Variants in PISD observed in about 807,000 individuals in gnomAD.
PISD encodes phosphatidylserine decarboxylase.
A neutral mutation model predicts 43.5 loss-of-function variants in PISD; 31 were observed. That is an observed-to-expected ratio of 0.71 (90% CI 0.54 to 0.96). The LOEUF (loss-of-function observed/expected upper bound fraction) is 0.96, where lower values mean the gene tolerates loss of function less well. Ranked by LOEUF, PISD falls within the 40% of genes least tolerant of loss-of-function variation. The pLI is 0.00. For missense variants in PISD, 523 were observed against 548.4 expected, an observed-to-expected ratio of 0.95 and a Z score of 0.46; for synonymous variants, 259 against 228.7, an observed-to-expected ratio of 1.13 and a Z score of -1.20.
chr22:31,657,163 GT>G (rs2096582436), intron 1 of PISD, among the ~76,000 whole-genome samples: 1 of 152,074 alleles, frequency 6.6e-6, no homozygotes, highest in South Asian at 2.1e-4. Flanking sequence ...TTGAGATGGA[GT>G]TTTGCTCTGT....
rs1410815230 is a variant in PISD, at chr22:31,630,797, C to T, written c.322-8912G>A. 1 of 985,460 alleles carries T rather than the reference C, an allele frequency of 1.0e-6. No individual in the cohort carries two copies. The highest frequency in any genetic ancestry group is 1.1e-4 in the East Asian group (1 of 8,828). 61.0% of individuals were successfully genotyped at this position (985,460 alleles called of 1,614,324 possible). Reference sequence around the variant, plus strand: ...GCAGGGCCGGGGCGCCGGCTCCGCTCACTCACCCGCAGGTGGCTCCAGCTT... The same window carrying T: ...GCAGGGCCGGGGCGCCGGCTCCGCTTACTCACCCGCAGGTGGCTCCAGCTT... On this transcript the variant is annotated intron_variant, in intron 3 of 7. Coordinates refer to ENST00000439502, the MANE Select transcript of PISD (RefSeq NM_001326411.2). This position sits in a 1 kb window ranked among gnomAD's most constrained non-coding sequence, Gnocchi z 4.4.
chr22:31,648,550 G>C (rs2073945287), intron 2 of PISD, among the ~76,000 whole-genome samples: 1 of 151,824 alleles, frequency 6.6e-6, no homozygotes, highest in Non-Finnish European at 1.5e-5. Flanking sequence ...GGCGCCTGTA[G>C]TCCCAGCTAC....
rs1294263346 is a variant in PISD, at chr22:31,618,938, A to T, written c.*674T>A. 1 of 163,752 alleles carries T rather than the reference A, an allele frequency of 6.1e-6. No homozygotes were observed. The highest frequency in any genetic ancestry group is 1.3e-5 in the Non-Finnish European group (1 of 74,862). The allele number at this position is 163,752 out of a possible 1,614,324, so 10.1% of individuals were successfully genotyped here. ...TGATTGGTCTTGCCTGCTGCAGAGG[A>T]CCTGGCCAGCTCCAGAAGGGTCACT... On this transcript the variant is annotated 3_prime_UTR_variant, in exon 8 of 8. Transcript: ENST00000439502.
Position 31,643,152 on chromosome 22 carries a change from A to C in PISD, c.321+4949T>G, listed in dbSNP as rs1247847749. On this transcript the variant is annotated intron_variant, in intron 3 of 7. Coordinates refer to ENST00000439502, the MANE Select transcript of PISD (RefSeq NM_001326411.2). Reference sequence around the variant, plus strand: ...AGATAAAGACAGGAAGTGAATGCATAAAAAACAAAGCGCATGATTAAGCAA... The same window carrying C: ...AGATAAAGACAGGAAGTGAATGCATCAAAAACAAAGCGCATGATTAAGCAA... 2.6e-5 allele frequency among the ~76,000 whole-genome samples: 4 copies of C among 152,090 alleles called. No homozygotes were observed. In the East Asian group the frequency reaches 7.7e-4, roughly 29 times the overall value.
chr22:31,632,367 G>T, intron 3 of PISD: 1 of 289,816 alleles, frequency 3.5e-6, no homozygotes, highest in Non-Finnish European at 5.2e-6. Flanking sequence ...TCAGCATGTG[G>T]TACAGGGGTG....
rs748698223 is a variant in PISD at position 31,636,927 on chromosome 22, C to T, written c.321+11174G>A. 1.5e-4 allele frequency among the ~76,000 whole-genome samples: 22 copies of T among 151,514 alleles called. No individual in the cohort carries two copies. In the Middle Eastern group the frequency reaches 0.013, roughly 87 times the overall value. ...TCCTGACCTCGTGATCCACCCATCT[C>T]GGTCTCCCAAAGTGCTGGGATTACA... On this transcript the variant is annotated intron_variant, in intron 3 of 7. Coordinates refer to ENST00000439502, the MANE Select transcript of PISD (RefSeq NM_001326411.2).
intron 2 of PISD, among the ~76,000 whole-genome samples, chr22:31,648,771 A>G (rs1383999711): frequency 6.6e-6 from 1 of 152,092 alleles, no homozygotes; most frequent in African/African-American, 2.4e-5. Context: ...CTGTCTCCAA[A>G]TTCTGTCAGT....
At position 31,623,909 on chromosome 22, in the gene PISD, G is replaced by A. The variant is rs1215085159; in HGVS notation, c.322-2024C>T. 2.6e-5 allele frequency: 40 copies of A among 1,511,972 alleles called. 1 individual carries two copies. In the Admixed American group the frequency reaches 7.6e-4, roughly 29 times the overall value. 93.7% of individuals were successfully genotyped at this position (1,511,972 alleles called of 1,614,324 possible). On this transcript the variant is annotated intron_variant, in intron 3 of 7. Transcript: ENST00000439502. Reference sequence around the variant, plus strand: ...TGGCCAGGCTCTGGGCAGGACCCAGGAGGCTGCCACCTGCACCCAGGGCAG... The same window carrying A: ...TGGCCAGGCTCTGGGCAGGACCCAGAAGGCTGCCACCTGCACCCAGGGCAG...
intron 2 of PISD, 67 bp from the exon 3 acceptor site, chr22:31,648,343 G>T: frequency 1.4e-6 from 2 of 1,389,202 alleles, no homozygotes; most frequent in Non-Finnish European, 2.0e-6. Context: ...TGCAAACACA[G>T]CACCAACAGG....
At chr22:31,633,716 AAAACAAACAAAC>A (rs111689818) in intron 3 of PISD, among the ~76,000 whole-genome samples, 2 of 151,806 alleles carry the variant, frequency 1.3e-5, no homozygotes, top group Non-Finnish European at 1.5e-5. Context: ...CTCGTCTCAA[AAAACAAACAAAC>A]AAACAAACAA....
At chr22:31,646,596 T>C (rs910817122) in intron 3 of PISD, among the ~76,000 whole-genome samples, 1 of 152,212 alleles carries the variant, frequency 6.6e-6, no homozygotes, top group East Asian at 1.9e-4. Flanking sequence ...CTTGAAAGCA[T>C]GCAAGCTCAT....
chr22:31,621,546 C>T (rs529598133), intron 4 of PISD, 74 bp from the exon 5 acceptor site: 12 of 1,602,242 alleles, frequency 7.5e-6, no homozygotes, highest in South Asian at 1.1e-5. Context: ...CCCACCTCCC[C>T]TTGTCATCCT....
At chr22:31,637,145 A>T (rs1355570950) in intron 3 of PISD, among the ~76,000 whole-genome samples, 7 of 16,368 alleles carry the variant, frequency 4.3e-4, no homozygotes, top group Non-Finnish European at 7.9e-4. Context: ...AAATAAATTA[A>T]AAAAAAAAAA....
Position 31,632,298 on chromosome 22 carries a change from T to C in PISD, c.322-10413A>G, listed in dbSNP as rs181770966. The C allele has an allele frequency of 5.7e-4, 548 of 959,708 alleles. 2 individuals are homozygous for C. The Middle Eastern group carries it at 9.0e-3, about 16-fold the overall frequency. The allele number at this position is 959,708 out of a possible 1,614,324, so 59.4% of individuals were successfully genotyped here. ...TTTCCATGTTCTTCCATACCTACAA[T>C]GCACCCATGGGAACAGGGAGGCAGG... is the stretch of plus-strand genomic sequence containing the variant. On this transcript the variant is annotated intron_variant, in intron 3 of 7. Coordinates refer to ENST00000439502, the MANE Select transcript of PISD (RefSeq NM_001326411.2).
intron 4 of PISD, 69 bp from the exon 5 acceptor site, chr22:31,621,541 C>T (rs934435767): frequency 2.5e-6 from 4 of 1,603,400 alleles, no homozygotes; most frequent in Non-Finnish European, 3.4e-6. Flanking sequence ...CAGCCCCCAC[C>T]TCCCCTTGTC....
intron 3 of PISD, among the ~76,000 whole-genome samples, chr22:31,644,865 C>T (rs1297016146): frequency 1.3e-5 from 2 of 152,166 alleles, no homozygotes; most frequent in African/African-American, 4.8e-5. Context: ...TGGCTCACGC[C>T]TGTAATCCTA....
In PISD at chr22:31,618,558, C is replaced by T. The variant is rs1288122074; in HGVS notation, c.*1054G>A. On this transcript the variant is annotated 3_prime_UTR_variant, in exon 8 of 8. Coordinates refer to ENST00000439502, the MANE Select transcript of PISD (RefSeq NM_001326411.2). ...AATGAATTACTGTTCAGAAGTCTCC[C>T]ACTTTTCATACAAAAATACTGTGCT... 1 of 844,100 alleles carries T rather than the reference C, an allele frequency of 1.2e-6. No individual in the cohort carries two copies. The highest frequency in any genetic ancestry group is 1.7e-6 in the Non-Finnish European group (1 of 593,046). The allele number at this position is 844,100 out of a possible 1,614,324, so 52.3% of individuals were successfully genotyped here.
chr22:31,640,474 G>A (rs2147753551), intron 3 of PISD, among the ~76,000 whole-genome samples: 1 of 151,816 alleles, frequency 6.6e-6, no homozygotes, highest in Admixed American at 6.6e-5. Context: ...GGGATTACAG[G>A]CATGAGCCAC....
chr22:31,637,158 AAAAAAAATATATATATATAT>A lies in PISD; in HGVS notation c.321+10923_321+10942del, dbSNP rs1382746871. 5.1e-3 allele frequency among the ~76,000 whole-genome samples: 174 copies of A among 34,072 alleles called. 5 individuals are homozygous for A. In the East Asian group the frequency reaches 0.069, roughly 13 times the overall value. The allele number at this position is 34,072 out of a possible 152,430, so 22.4% of individuals were successfully genotyped here. A position where few individuals can be genotyped will look rare whatever the true frequency, so the allele number is the denominator to read the frequency against. Reference sequence around the variant, plus strand: ...ATAAATAAATTAAAAAAAAAAAAAAAAAAAAAATATATATATATATATATATATATATATATATATATATA... The same window carrying A: ...ATAAATAAATTAAAAAAAAAAAAAAAATATATATATATATATATATATATA... On this transcript the variant is annotated intron_variant, in intron 3 of 7. Coordinates refer to ENST00000439502, the MANE Select transcript of PISD (RefSeq NM_001326411.2).
Sources: allele counts gnomAD v4.1 joint callset (sites outside exome capture counted in the v4.1 genomes callset), GRCh38; gene constraint gnomAD v4.1.1; non-coding constraint Gnocchi (gnomAD v3.1); transcripts MANE v1.5; gene names NCBI Gene and HGNC (gene_info 2026-07-23, HGNC 2026-07-21).